Variants in CNOT1 observed in about 807,000 individuals in gnomAD.
CNOT1 encodes CCR4-NOT transcription complex subunit 1.
CNOT1 carries 15 observed loss-of-function variants against 273.8 expected under a neutral mutation model. The observed-to-expected ratio is 0.05, with a 90% confidence interval of 0.04 to 0.08. The LOEUF (loss-of-function observed/expected upper bound fraction) is 0.08. Among genes scored for constraint, CNOT1 ranks in the 10% least tolerant of loss-of-function variants. The pLI, the probability that CNOT1 is intolerant of heterozygous loss-of-function variation, is 1.00. For synonymous variants in CNOT1, 1,022 were observed against 1,005.5 expected (o/e 1.02, Z -0.31); for missense variants, 1,644 against 2,912.2 (o/e 0.56, Z 10.02).
At chr16:58,539,489 A>ACACACACC (rs1377171676) in intron 35 of CNOT1, among the ~76,000 whole-genome samples, 1 of 151,464 alleles carries the variant, frequency 6.6e-6, no homozygotes, top group Non-Finnish European at 1.5e-5. Context: ...ACACACACAC[A>ACACACACC]CACAGACACA....
rs1183961399 is a variant in CNOT1 at position 58,520,525 on chromosome 16, ATAT to A, written c.*430_*432del. On this transcript the variant is annotated 3_prime_UTR_variant, in exon 49 of 49. Coordinates refer to ENST00000317147, the MANE Select transcript of CNOT1 (RefSeq NM_016284.5). Reference sequence around the variant, plus strand: ...CCACATTAAAAAAATAAGTTACATAATATTCAAACTGGCTTTTTGCTATTCTTT... The same window carrying A: ...CCACATTAAAAAAATAAGTTACATAATCAAACTGGCTTTTTGCTATTCTTT... 5.8e-6 allele frequency: 1 copy of A among 173,684 alleles called. No individual in the cohort carries two copies. Among genetic ancestry groups the A allele is most frequent in the African/African-American group, 2.4e-5 (1 of 42,168 alleles). The allele number at this position is 173,684 out of a possible 1,614,324, so 10.8% of individuals were successfully genotyped here.
At chr16:58,625,599 A>G (rs1280135619) in intron 1 of CNOT1, among the ~76,000 whole-genome samples, 1 of 151,958 alleles carries the variant, frequency 6.6e-6, no homozygotes, top group African/African-American at 2.4e-5. Flanking sequence ...CAGGAGAATC[A>G]CTTGAACCCG....
At chr16:58,605,568 A>T (rs1478175930) in intron 1 of CNOT1, among the ~76,000 whole-genome samples, 1 of 152,230 alleles carries the variant, frequency 6.6e-6, no homozygotes, top group Non-Finnish European at 1.5e-5. Flanking sequence ...ACTTGTCATT[A>T]TCATGCCACT....
intron 48 of CNOT1, 22 bp downstream of exon 48, chr16:58,521,161 T>C (rs376505155): frequency 4.3e-6 from 7 of 1,612,810 alleles, no homozygotes; most frequent in African/African-American, 1.3e-5. Context: ...TCCTAGACAA[T>C]TAAAAATTAC....
At chr16:58,557,044 T>A in intron 18 of CNOT1, 51 bp from the exon 19 acceptor site, 1 of 1,593,354 alleles carries the variant, frequency 6.3e-7, no homozygotes, top group Non-Finnish European at 8.5e-7. Flanking sequence ...ATATTCTTGA[T>A]TTTATTCACA....
chr16:58,549,329 G>C (rs2040376675), intron 25 of CNOT1, among the ~76,000 whole-genome samples: 1 of 143,528 alleles, frequency 7.0e-6, no homozygotes, highest in Non-Finnish European at 1.5e-5. Flanking sequence ...ACAGCAAAGA[G>C]CATTATCATT....
chr16:58,577,621 G>A (rs2041504025), intron 13 of CNOT1, among the ~76,000 whole-genome samples: 1 of 152,068 alleles, frequency 6.6e-6, no homozygotes, highest in African/African-American at 2.4e-5. Flanking sequence ...TTTTCTGCAT[G>A]TATCATATAA....
In CNOT1 at chr16:58,599,481, A is replaced by G; in HGVS notation, c.-144T>C. The G allele has an allele frequency of 1.0e-6, 1 of 965,136 alleles. No homozygotes were observed. Among genetic ancestry groups the G allele is most frequent in the Non-Finnish European group, 1.5e-6 (1 of 663,468 alleles). 59.8% of individuals were successfully genotyped at this position (965,136 alleles called of 1,614,324 possible). Reference sequence around the variant, plus strand: ...ATAATATCTTCAGTTCTTCTTTACCAGGGGTCTTACTCTGTTCTGAAACAT... The same window carrying G: ...ATAATATCTTCAGTTCTTCTTTACCGGGGGTCTTACTCTGTTCTGAAACAT... On this transcript the variant is annotated 5_prime_UTR_variant, in exon 2 of 49. Transcript: ENST00000317147.
chr16:58,589,951 A>C (rs964115070), intron 2 of CNOT1, among the ~76,000 whole-genome samples: 2 of 152,178 alleles, frequency 1.3e-5, no homozygotes, highest in African/African-American at 2.4e-5. Flanking sequence ...CCATTCCTAA[A>C]ACAGAAATAT....
At chr16:58,609,090 C>T (rs1248309816) in intron 1 of CNOT1, among the ~76,000 whole-genome samples, 1 of 152,122 alleles carries the variant, frequency 6.6e-6, no homozygotes, top group African/African-American at 2.4e-5. Flanking sequence ...AAAGAACTTA[C>T]TCGCCAGGGG....
intron 16 of CNOT1, among the ~76,000 whole-genome samples, chr16:58,560,750 C>T (rs1009601104): frequency 2.0e-5 from 3 of 152,144 alleles, no homozygotes; most frequent in African/African-American, 2.4e-5. Context: ...CGAGGCTGAG[C>T]GTAGTGGTTC....
rs773567673 is a variant in CNOT1 at position 58,531,915 on chromosome 16, GTAGT to G, written c.6177+39_6177+42del. The G allele has an allele frequency of 6.9e-6, 11 of 1,605,606 alleles. No individual in the cohort carries two copies. The South Asian group carries it at 1.1e-4, about 16-fold the overall frequency. ...AGGCAATGCTAATAAATAAGCCCAG[GTAGT>G]TATAGTCTTCATCTACAGGAGATAA... is the stretch of plus-strand genomic sequence containing the variant. On this transcript the variant is annotated intron_variant, in intron 42 of 48. Coordinates refer to ENST00000317147, the MANE Select transcript of CNOT1 (RefSeq NM_016284.5).
At chr16:58,619,596 T>G (rs2152046366) in intron 1 of CNOT1, among the ~76,000 whole-genome samples, 1 of 152,188 alleles carries the variant, frequency 6.6e-6, no homozygotes, top group South Asian at 2.1e-4. Context: ...TGGCTAATTT[T>G]TGTATTTTTA....
At chr16:58,553,649 A>ATG in intron 22 of CNOT1, 133 bp downstream of exon 22, 1 of 1,112,690 alleles carries the variant, frequency 9.0e-7, no homozygotes, top group Admixed American at 3.8e-5. Flanking sequence ...AACAAAAGAT[A>ATG]TGTGTACCTA....
intron 1 of CNOT1, among the ~76,000 whole-genome samples, chr16:58,628,158 G>C (rs146685733): frequency 1.3e-5 from 2 of 152,240 alleles, no homozygotes; most frequent in East Asian, 3.9e-4. Flanking sequence ...TAAGACTTGG[G>C]GAACCCACAC....
chr16:58,537,944 G>A lies in CNOT1; in HGVS notation c.5361C>T (p.Thr1787=), dbSNP rs2039972833. 1 of 1,614,132 alleles carries A rather than the reference G, an allele frequency of 6.2e-7. No homozygotes were observed. The highest frequency in any genetic ancestry group is 8.5e-7 in the Non-Finnish European group (1 of 1,180,018). The change falls in exon 38 of 49, where the codon ACC becomes ACT. Residue 1787 remains threonine (T), a synonymous_variant. Transcript: ENST00000317147. ...AHVTEADLFH[T]IETLMRINAH... ...CATTAATCCTCATGAGGGTTTCAATGGTGTGGAACAGATCTGCCTCAGTAA... is the reference window on the plus strand; with the variant it reads ...CATTAATCCTCATGAGGGTTTCAATAGTGTGGAACAGATCTGCCTCAGTAA...
At chr16:58,624,314 T>C (rs1194007659) in intron 1 of CNOT1, among the ~76,000 whole-genome samples, 3 of 152,184 alleles carry the variant, frequency 2.0e-5, no homozygotes, top group African/African-American at 7.2e-5. Context: ...GGTGTGAGAA[T>C]ATACTGGAAG....
At chr16:58,558,325 T>C in intron 18 of CNOT1, 148 bp downstream of exon 18, 1 of 1,364,616 alleles carries the variant, frequency 7.3e-7, no homozygotes, top group Non-Finnish European at 9.8e-7. Flanking sequence ...CTGTTTTTCT[T>C]TTCCCAACTT....
chr16:58,560,436 A>AT (rs71739184), intron 16 of CNOT1, 74 bp from the exon 17 acceptor site: 5,075 of 1,281,006 alleles, frequency 4.0e-3, no homozygotes, highest in East Asian at 8.6e-3. Flanking sequence ...AACCGATCTG[A>AT]TTTTTTTTTT....
Sources: allele counts gnomAD v4.1 joint callset (sites outside exome capture counted in the v4.1 genomes callset), GRCh38; gene constraint gnomAD v4.1.1; transcripts MANE v1.5; gene names NCBI Gene and HGNC (gene_info 2026-07-23, HGNC 2026-07-21).